Variants in PDE8A observed in about 807,000 individuals in gnomAD.
The protein encoded by PDE8A is phosphodiesterase 8A, also known as high affinity cAMP-specific and IBMX-insensitive 3',5'-cyclic phosphodiesterase 8A.
In PDE8A, 59 loss-of-function variants were observed where a neutral mutation model predicts 105.0. The ratio of observed to expected loss-of-function variants is 0.56; its 90% confidence interval spans 0.46 to 0.70. The LOEUF (loss-of-function observed/expected upper bound fraction) is 0.70, where lower values mean the gene tolerates loss of function less well. Among genes scored for constraint, PDE8A ranks in the 30% least tolerant of loss-of-function variants. The pLI, the probability that PDE8A is intolerant of heterozygous loss-of-function variation, is 0.00. For synonymous variants in PDE8A, 355 were observed against 371.9 expected (o/e 0.95, Z 0.52); for missense variants, 1,014 against 1,045.9 (o/e 0.97, Z 0.42).
At chr15:85,131,327 G>A (rs1210012034) in intron 20 of PDE8A, among the ~76,000 whole-genome samples, 1 of 152,134 alleles carries the variant, frequency 6.6e-6, no homozygotes, top group East Asian at 1.9e-4. Context: ...TTAGTTTCCT[G>A]TATGTCTTAC....
At chr15:85,026,070 G>C (rs528049412) in intron 1 of PDE8A, among the ~76,000 whole-genome samples, 112 of 152,290 alleles carry the variant, frequency 7.4e-4, no homozygotes, top group African/African-American at 2.6e-3. Flanking sequence ...CTCTGAACCC[G>C]TGTTTGTCAA....
chr15:85,013,378 G>A (rs180777848), intron 1 of PDE8A, among the ~76,000 whole-genome samples: 86 of 152,292 alleles, frequency 5.6e-4, no homozygotes, highest in Non-Finnish European at 1.0e-4. Flanking sequence ...TGGGAATAAT[G>A]AATTCTATCT....
intron 11 of PDE8A, among the ~76,000 whole-genome samples, chr15:85,107,353 G>A (rs7178157): frequency 0.088 from 13,347 of 152,262 alleles, 1,602 homozygotes; most frequent in African/African-American, 0.28. Flanking sequence ...CTAAAGACAA[G>A]GATGAGCCAT....
chr15:85,019,918 A>C (rs1412340119), intron 1 of PDE8A, among the ~76,000 whole-genome samples: 3 of 139,532 alleles, frequency 2.2e-5, no homozygotes, highest in African/African-American at 7.9e-5. Flanking sequence ...GGGTCTCTGG[A>C]GAACTTTGGG....
At position 85,091,095 on chromosome 15, in the gene PDE8A, A is replaced by G. The variant is rs774319616; in HGVS notation, c.766A>G (p.Ile256Val). Reference protein sequence around the residue: ...TTMGYQSGELIGKELGEVPIN... With the variant: ...TTMGYQSGELVGKELGEVPIN... ...AATGGGCTATCAGTCAGGTGAATTA[A>G]TAGGGAAGGAGTTAGGAGAAGTGCC... The change falls in exon 8 of 22, where the codon ATA becomes GTA. Residue 256 changes from isoleucine (I) to valine (V), a missense_variant. By Grantham distance (29) the Ile-to-Val change is conservative. Transcript: ENST00000394553. The G allele has an allele frequency of 6.2e-7, 1 of 1,613,104 alleles. No homozygotes were observed. Among genetic ancestry groups the G allele is most frequent in the South Asian group, 1.1e-5 (1 of 91,026 alleles).
intron 1 of PDE8A, among the ~76,000 whole-genome samples, chr15:85,016,883 A>G (rs1168322607): frequency 1.3e-5 from 2 of 149,924 alleles, no homozygotes; most frequent in Non-Finnish European, 3.0e-5. Flanking sequence ...TTTATGCCAG[A>G]TGTTCTATTA....
At position 85,061,562 on chromosome 15, in the gene PDE8A, T is replaced by A. The variant is rs142306857; in HGVS notation, c.187-2808T>A. On this transcript the variant is annotated intron_variant, in intron 1 of 21. Transcript: ENST00000394553. ...GTTCTTGCTGCTTTCAAGATTCTCT[T>A]TTTGTCTTTGAGCAGTTTCATTATA... Among the ~76,000 whole-genome samples, 259 of 152,298 alleles carry A rather than the reference T, an allele frequency of 1.7e-3. 1 individual carries two copies. Among genetic ancestry groups the A allele is most frequent in the Middle Eastern group, 6.8e-3 (2 of 294 alleles).
chr15:85,137,989 A>G lies in PDE8A; in HGVS notation c.*86A>G. On this transcript the variant is annotated 3_prime_UTR_variant, in exon 22 of 22. Transcript: ENST00000394553. ...GCAGCCAGAGCTCCTTGGTCCTTTC[A>G]GTACTAGGCAGAACAGCCCCCGATC... is the stretch of plus-strand genomic sequence containing the variant. 1 of 802,664 alleles carries G rather than the reference A, an allele frequency of 1.2e-6. No homozygotes were observed. The highest frequency in any genetic ancestry group is 2.1e-6 in the Non-Finnish European group (1 of 470,014). 49.7% of individuals were successfully genotyped at this position (802,664 alleles called of 1,614,324 possible).
chr15:85,134,941 G>A (rs963679964), intron 20 of PDE8A, among the ~76,000 whole-genome samples: 2 of 152,218 alleles, frequency 1.3e-5, no homozygotes, highest in Non-Finnish European at 2.9e-5. Context: ...AGGCAATGGA[G>A]TCAGCGACTT....
At position 85,070,987 on chromosome 15, in the gene PDE8A, TC is replaced by T. The variant is rs370860183; in HGVS notation, c.434+3785del. Among the ~76,000 whole-genome samples the T allele has an allele frequency of 4.5e-3, 689 of 152,128 alleles. 10 individuals are homozygous for T. The highest frequency in any genetic ancestry group is 0.016 in the African/African-American group (652 of 41,496). ...TTGATATCAATGTCTCCTCCCAACT[TC>T]CTATCAAAAAACCCATGAAGAGGGA... is the stretch of plus-strand genomic sequence containing the variant. On this transcript the variant is annotated intron_variant, in intron 3 of 21. Transcript: ENST00000394553.
At chr15:85,075,526 A>G (rs762138431) in intron 3 of PDE8A, among the ~76,000 whole-genome samples, 41 of 152,214 alleles carry the variant, frequency 2.7e-4, no homozygotes, top group Non-Finnish European at 5.6e-4. Context: ...GAAGAGACCA[A>G]CGGCTTCTTT....
At chr15:85,108,984 G>A in intron 11 of PDE8A, 69 bp from the exon 12 acceptor site, 2 of 1,104,936 alleles carry the variant, frequency 1.8e-6, no homozygotes, top group Non-Finnish European at 1.3e-6. Context: ...AAAAATTTTA[G>A]ATTGGTAACC....
intron 1 of PDE8A, among the ~76,000 whole-genome samples, chr15:85,048,927 C>G (rs2080928319): frequency 6.6e-6 from 1 of 152,226 alleles, no homozygotes; most frequent in African/African-American, 2.4e-5. Context: ...ATGGCAAAAC[C>G]CCGTCTCTAC....
At chr15:85,022,299 G>C (rs564398437) in intron 1 of PDE8A, among the ~76,000 whole-genome samples, 3 of 152,282 alleles carry the variant, frequency 2.0e-5, no homozygotes, top group Admixed American at 2.0e-4. Flanking sequence ...TGTTATATCT[G>C]TTTGGACAGG....
At chr15:85,056,803 C>G (rs1274762226) in intron 1 of PDE8A, among the ~76,000 whole-genome samples, 1 of 152,236 alleles carries the variant, frequency 6.6e-6, no homozygotes, top group African/African-American at 2.4e-5. Context: ...TGTCTGAAGC[C>G]TTCTTCTCTC....
At chr15:85,026,722 T>G (rs1697257694) in intron 1 of PDE8A, among the ~76,000 whole-genome samples, 1 of 152,144 alleles carries the variant, frequency 6.6e-6, no homozygotes, top group African/African-American at 2.4e-5. Context: ...GAGGCTGCAG[T>G]GAACTGTGAT....
intron 1 of PDE8A, among the ~76,000 whole-genome samples, chr15:85,019,624 C>T (rs1269236028): frequency 1.3e-5 from 2 of 152,030 alleles, no homozygotes; most frequent in African/African-American, 4.8e-5. Context: ...TCTTGTCACC[C>T]AGGCTGGTGT....
At chr15:85,004,443 C>T (rs971369807) in intron 1 of PDE8A, among the ~76,000 whole-genome samples, 2 of 152,300 alleles carry the variant, frequency 1.3e-5, no homozygotes, top group African/African-American at 2.4e-5. Context: ...CAGCCCCCCA[C>T]AGTGAGGACA....
At chr15:85,041,073 A>T (rs867997011) in intron 1 of PDE8A, among the ~76,000 whole-genome samples, 16 of 152,324 alleles carry the variant, frequency 1.1e-4, no homozygotes, top group African/African-American at 2.9e-4. Flanking sequence ...GCCCAGGCTC[A>T]TCACTTCTGG....
Sources: allele counts gnomAD v4.1 joint callset (sites outside exome capture counted in the v4.1 genomes callset), GRCh38; gene constraint gnomAD v4.1.1; transcripts MANE v1.5; gene names NCBI Gene and HGNC (gene_info 2026-07-23, HGNC 2026-07-21).